Variants in RAI14 observed in about 807,000 individuals in gnomAD.
The protein encoded by RAI14 is retinoic acid induced 14.
In RAI14, 45 loss-of-function variants were observed where a neutral mutation model predicts 115.4. The ratio of observed to expected loss-of-function variants is 0.39; its 90% CI spans 0.31 to 0.50. RAI14 has a LOEUF of 0.50. Ranked by LOEUF, RAI14 falls within the 20% of genes least tolerant of loss-of-function variation. The pLI is 0.85. For missense variants in RAI14, 939 were observed against 1,131.2 expected, an observed-to-expected ratio of 0.83 and a Z score of 2.44; for synonymous variants, 371 against 415.4, an observed-to-expected ratio of 0.89 and a Z score of 1.30.
chr5:34,811,203 G>A, intron 8 of RAI14, 85 bp downstream of exon 8: 2 of 1,427,354 alleles, frequency 1.4e-6, no homozygotes, highest in Non-Finnish European at 1.9e-6. Flanking sequence ...CTATATTTTG[G>A]ATCATTTGTT....
chr5:34,780,980 T>A (rs1012957751), intron 3 of RAI14, among the ~76,000 whole-genome samples: 40 of 152,068 alleles, frequency 2.6e-4, no homozygotes, highest in East Asian at 5.8e-4. Flanking sequence ...CAAATGTCCA[T>A]AAATGATAGA....
intron 2 of RAI14, among the ~76,000 whole-genome samples, chr5:34,698,108 CT>C (rs1739511080): frequency 1.9e-5 from 1 of 51,930 alleles, no homozygotes. Context: ...CCCTCCCTTT[CT>C]CCCCCCTCCC....
chr5:34,779,433 G>T (rs1310105332), intron 3 of RAI14, among the ~76,000 whole-genome samples: 1 of 152,166 alleles, frequency 6.6e-6, no homozygotes, highest in Non-Finnish European at 1.5e-5. Context: ...AAGTCAAATT[G>T]TCCCTGTTTG....
At chr5:34,706,204 CT>C (rs1173349670) in intron 2 of RAI14, among the ~76,000 whole-genome samples, 1 of 152,160 alleles carries the variant, frequency 6.6e-6, no homozygotes, top group Admixed American at 6.5e-5. Context: ...TTTATAACCA[CT>C]TTCTTATTTT....
chr5:34,685,202 T>C (rs1579901234), intron 1 of RAI14: 1 of 149,316 alleles, frequency 6.7e-6, no homozygotes, highest in Non-Finnish European at 1.5e-5. Context: ...GGCAATATAG[T>C]GAGACCCCAT....
At chr5:34,757,302 G>A (rs1748016391) in intron 2 of RAI14, 166 bp from the exon 3 acceptor site, 1 of 766,938 alleles carries the variant, frequency 1.3e-6, no homozygotes. Flanking sequence ...CGGCCTTCTT[G>A]GGTGTCTCCA....
intron 3 of RAI14, among the ~76,000 whole-genome samples, chr5:34,759,647 C>T (rs1748366928): frequency 6.7e-6 from 1 of 149,692 alleles, no homozygotes; most frequent in Non-Finnish European, 1.5e-5. Context: ...AGGGCTCCCA[C>T]AGATTCTACA....
intron 3 of RAI14, among the ~76,000 whole-genome samples, chr5:34,779,145 C>A (rs1167542793): frequency 6.6e-6 from 1 of 152,146 alleles, no homozygotes; most frequent in Non-Finnish European, 1.5e-5. Context: ...TCAATAGATG[C>A]AGAAAAGGCC....
chr5:34,811,179 T>G, intron 8 of RAI14, 61 bp downstream of exon 8: 1 of 1,540,308 alleles, frequency 6.5e-7, no homozygotes, highest in Non-Finnish European at 8.9e-7. Context: ...TGAGAGTATT[T>G]CAAAATATCA....
chr5:34,670,831 C>T (rs990754403), intron 1 of RAI14, among the ~76,000 whole-genome samples: 16 of 152,188 alleles, frequency 1.1e-4, no homozygotes, highest in African/African-American at 3.9e-4. Context: ...TCCTCAGTCT[C>T]ACCAGAGAAC....
At chr5:34,721,291 G>GTATATATATATATATATATA (rs10538679) in intron 2 of RAI14, among the ~76,000 whole-genome samples, 1 of 131,158 alleles carries the variant, frequency 7.6e-6, no homozygotes, top group Non-Finnish European at 1.6e-5. Context: ...ATGTAGATGT[G>GTATATATATATATATATATA]TATATATATA....
chr5:34,772,619 A>T (rs912426239), intron 3 of RAI14, among the ~76,000 whole-genome samples: 3 of 152,124 alleles, frequency 2.0e-5, no homozygotes, highest in Non-Finnish European at 4.4e-5. Flanking sequence ...GAAATGAGGG[A>T]ACTGAAGTTA....
chr5:34,698,312 G>C (rs1199770868), intron 2 of RAI14, among the ~76,000 whole-genome samples: 1 of 150,904 alleles, frequency 6.6e-6, no homozygotes, highest in Non-Finnish European at 1.5e-5. Context: ...ATAAAATCTG[G>C]CACAAAGAAA....
At chr5:34,801,171 T>A (rs574968710) in intron 4 of RAI14, among the ~76,000 whole-genome samples, 23 of 152,342 alleles carry the variant, frequency 1.5e-4, no homozygotes, top group South Asian at 6.2e-4. Context: ...CCTTCATTTT[T>A]AAATTTTGTT....
chr5:34,761,526 A>G (rs1368210050), intron 3 of RAI14, among the ~76,000 whole-genome samples: 1 of 152,156 alleles, frequency 6.6e-6, no homozygotes. Context: ...TGGAATCTAC[A>G]GTTGCCTGTC....
chr5:34,673,545 G>A (rs987092375), intron 1 of RAI14, among the ~76,000 whole-genome samples: 19 of 152,186 alleles, frequency 1.2e-4, no homozygotes, highest in African/African-American at 4.6e-4. Context: ...CTTTTACTGT[G>A]GCATCTGAGT....
intron 2 of RAI14, among the ~76,000 whole-genome samples, chr5:34,697,264 C>G (rs866018208): frequency 2.6e-5 from 4 of 152,058 alleles, no homozygotes; most frequent in Admixed American, 6.5e-5. Context: ...TGGAGAAACC[C>G]TGTCTCTACT....
At chr5:34,669,766 A>T (rs1743491031) in intron 1 of RAI14, among the ~76,000 whole-genome samples, 1 of 152,150 alleles carries the variant, frequency 6.6e-6, no homozygotes, top group African/African-American at 2.4e-5. Flanking sequence ...AAGGAACAGA[A>T]ATGTCCTAAT....
At chr5:34,755,665 G>A (rs542856688) in intron 2 of RAI14, among the ~76,000 whole-genome samples, 3 of 152,310 alleles carry the variant, frequency 2.0e-5, no homozygotes, top group East Asian at 3.9e-4. Flanking sequence ...TGTTTCCAGA[G>A]ATTGCCAAAT....
Sources: gnomAD v4.1 joint callset for allele counts (sites outside exome capture counted in the v4.1 genomes callset) on GRCh38, gnomAD v4.1.1 for gene constraint, MANE v1.5 for transcripts, NCBI Gene and HGNC (gene_info 2026-07-23, HGNC 2026-07-21) for gene names.